TTYH1: variants seen among roughly 807,000 people sequenced by gnomAD.
The protein encoded by TTYH1 is tweety family member 1.
Under a neutral mutation model 61.2 loss-of-function variants are expected in TTYH1, and 33 were observed. The observed-to-expected ratio is 0.54, with a 90% CI of 0.41 to 0.72. The LOEUF is 0.72. TTYH1 is among the 30% of genes least tolerant of loss of function. The probability of loss-of-function intolerance (pLI) is 0.00; values close to 1 mark genes in which losing one functional copy is unlikely to be tolerated. For missense variants in TTYH1, 538 were observed against 575.8 expected (o/e 0.93, Z 0.67); for synonymous variants, 308 against 266.4 (o/e 1.16, Z -1.52).
At chr19:54,422,743 A>T (rs1337125390) in intron 4 of TTYH1, among the ~76,000 whole-genome samples, 1 of 151,948 alleles carries the variant, frequency 6.6e-6, no homozygotes, top group Non-Finnish European at 1.5e-5. Flanking sequence ...AGCCTGGCCA[A>T]CGTGGAGAAA....
Position 54,436,249 on chromosome 19 carries a change from G to A in TTYH1, c.*42+78G>A. 4 of 1,608,374 alleles carry A rather than the reference G, an allele frequency of 2.5e-6. No homozygotes were observed. The highest frequency in any genetic ancestry group is 3.4e-6 in the Non-Finnish European group (4 of 1,175,400). ...CCGCCCTCCGAGCTGCTCCAGGCAT[G>A]GGCTGCGTGCCTCCTGCTGGGTGGA... On this transcript the variant is annotated intron_variant, in intron 13 of 13. Coordinates refer to ENST00000376530, the MANE Select transcript of TTYH1 (RefSeq NM_020659.4). This position sits in a 1 kb window ranked among gnomAD's most constrained non-coding sequence, Gnocchi z 4.3.
At chr19:54,424,999 G>C (rs1467777555) in intron 4 of TTYH1, among the ~76,000 whole-genome samples, 5 of 152,190 alleles carry the variant, frequency 3.3e-5, no homozygotes, top group African/African-American at 7.2e-5. Context: ...CGGATTCCAA[G>C]GAATGGAATC....
chr19:54,415,792 C>A lies in TTYH1; in HGVS notation c.126+114C>A. 8.2e-7 allele frequency: 1 copy of A among 1,224,144 alleles called. No homozygotes were observed. Among genetic ancestry groups the A allele is most frequent in the South Asian group, 1.8e-5 (1 of 56,476 alleles). 75.8% of individuals were successfully genotyped at this position (1,224,144 alleles called of 1,614,324 possible). On this transcript the variant is annotated intron_variant, in intron 1 of 13. Transcript: ENST00000376530. The surrounding 1 kb of genome is among the most constrained non-coding windows in gnomAD (Gnocchi z 5.2). ...CTGAGCTCCGCCGGAGGCTGGGGGC[C>A]GGCCCGGACTTTGGGGTTTCGGAGG...
chr19:54,417,114 ACACG>A (rs1408969985), intron 1 of TTYH1, among the ~76,000 whole-genome samples: 5 of 152,114 alleles, frequency 3.3e-5, no homozygotes, highest in African/African-American at 1.2e-4. Flanking sequence ...GCACACAGCC[ACACG>A]CACACACTCA....
In TTYH1 at chr19:54,415,746, G is replaced by T; in HGVS notation, c.126+68G>T. 3 of 1,398,618 alleles carry T rather than the reference G, an allele frequency of 2.1e-6. No homozygotes were observed. The highest frequency in any genetic ancestry group is 2.8e-6 in the Non-Finnish European group (3 of 1,062,102). 86.6% of individuals were successfully genotyped at this position (1,398,618 alleles called of 1,614,324 possible). A position where few individuals can be genotyped will look rare whatever the true frequency, so the allele number is the denominator to read the frequency against. On this transcript the variant is annotated intron_variant, in intron 1 of 13. Coordinates refer to ENST00000376530, the MANE Select transcript of TTYH1 (RefSeq NM_020659.4). This position sits in a 1 kb window ranked among gnomAD's most constrained non-coding sequence, Gnocchi z 5.2. ...GGAGCTCCTGGGTCCCGAGGGAGAA[G>T]GGGGCTGGGTCACAGATTTCCTGAG... is the stretch of plus-strand genomic sequence containing the variant.
intron 7 of TTYH1, 116 bp from the exon 8 acceptor site, chr19:54,430,434 T>G: frequency 8.8e-7 from 1 of 1,142,846 alleles, no homozygotes; most frequent in Non-Finnish European, 1.3e-6. Context: ...GCCATCGGGC[T>G]CCAGGGCTGG....
intron 4 of TTYH1, among the ~76,000 whole-genome samples, chr19:54,425,612 C>A (rs115731823): frequency 6.6e-6 from 1 of 152,112 alleles, no homozygotes; most frequent in Non-Finnish European, 1.5e-5. Flanking sequence ...GATTATTAGT[C>A]GGCCTCGGAC....
At chr19:54,426,621 G>C (rs117905101) in intron 4 of TTYH1, 52 bp from the exon 5 acceptor site, 50 of 1,463,786 alleles carry the variant, frequency 3.4e-5, no homozygotes, top group Non-Finnish European at 4.6e-5. Flanking sequence ...CTGTTCCGCC[G>C]GGGTGCCTGG....
At position 54,436,361 on chromosome 19, in the gene TTYH1, C is replaced by A; in HGVS notation, c.*71C>A. On this transcript the variant is annotated 3_prime_UTR_variant, in exon 14 of 14. Transcript: ENST00000376530. This position sits in a 1 kb window ranked among gnomAD's most constrained non-coding sequence, Gnocchi z 4.3. ...CTTCCCTGGCTGCCGGAGGAGACCC[C>A]ACTAACCCAGCCTGCCTGGGCTCTG... is the stretch of plus-strand genomic sequence containing the variant. 6.2e-7 allele frequency: 1 copy of A among 1,614,116 alleles called. No individual in the cohort carries two copies. Among genetic ancestry groups the A allele is most frequent in the Non-Finnish European group, 8.5e-7 (1 of 1,180,004 alleles).
rs2083398548 is a variant in TTYH1 at position 54,429,768 on chromosome 19, G to A, written c.808-114G>A. On this transcript the variant is annotated intron_variant, in intron 6 of 13. Coordinates refer to ENST00000376530, the MANE Select transcript of TTYH1 (RefSeq NM_020659.4). This position sits in a 1 kb window ranked among gnomAD's most constrained non-coding sequence, Gnocchi z 5.1. ...TCCTGAGTCTGAGGGAAGAGGGGCTGGGACCTGGACCCCTGGGTGGGGAGG... is the reference window on the plus strand; with the variant it reads ...TCCTGAGTCTGAGGGAAGAGGGGCTAGGACCTGGACCCCTGGGTGGGGAGG... 3 of 884,758 alleles carry A rather than the reference G, an allele frequency of 3.4e-6. No individual in the cohort carries two copies. In the Admixed American group the frequency reaches 6.3e-5, roughly 19 times the overall value. The allele number at this position is 884,758 out of a possible 1,614,324, so 54.8% of individuals were successfully genotyped here.
intron 1 of TTYH1, chr19:54,417,003 C>T (rs2083094582): frequency 8.4e-7 from 1 of 1,192,926 alleles, no homozygotes; most frequent in African/African-American, 1.6e-5. Flanking sequence ...CGGGCAGAGC[C>T]CCACAGCCGA....
At chr19:54,432,499 G>C (rs1239137191) in intron 10 of TTYH1, 1 of 152,294 alleles carries the variant, frequency 6.6e-6, no homozygotes, top group Non-Finnish European at 1.5e-5. Flanking sequence ...TGAGGAGAGA[G>C]GGACCTTCCG....
Position 54,419,037 on chromosome 19 carries a change from C to T in TTYH1, c.127-91C>T, listed in dbSNP as rs1029717123. On this transcript the variant is annotated intron_variant, in intron 1 of 13. Coordinates refer to ENST00000376530, the MANE Select transcript of TTYH1 (RefSeq NM_020659.4). This position sits in a 1 kb window ranked among gnomAD's most constrained non-coding sequence, Gnocchi z 6.1. ...GTCTCCCACCTTCACTCTGACATCCCAGACCCCGACCCCCCAGCCACGCAG... is the reference window on the plus strand; with the variant it reads ...GTCTCCCACCTTCACTCTGACATCCTAGACCCCGACCCCCCAGCCACGCAG... The T allele has an allele frequency of 1.2e-5, 16 of 1,351,162 alleles. No homozygotes were observed. The highest frequency in any genetic ancestry group is 2.0e-4 in the Middle Eastern group (1 of 5,002). The allele number at this position is 1,351,162 out of a possible 1,614,324, so 83.7% of individuals were successfully genotyped here.
Position 54,416,763 on chromosome 19 carries a change from G to T in TTYH1, c.126+1085G>T. ...CTCGCCGCCCCCTCTCCCCACACAC[G>T]GGGACCGCCGTCCCCTCGCCCACAG... On this transcript the variant is annotated intron_variant, in intron 1 of 13. Coordinates refer to ENST00000376530, the MANE Select transcript of TTYH1 (RefSeq NM_020659.4). The surrounding 1 kb of genome is among the most constrained non-coding windows in gnomAD (Gnocchi z 7.0). 2 of 1,292,434 alleles carry T rather than the reference G, an allele frequency of 1.5e-6. No homozygotes were observed. The highest frequency in any genetic ancestry group is 2.0e-6 in the Non-Finnish European group (2 of 988,560). The allele number at this position is 1,292,434 out of a possible 1,614,324, so 80.1% of individuals were successfully genotyped here.
In TTYH1 at chr19:54,429,314, G is replaced by A. The variant is rs1349488490; in HGVS notation, c.742G>A (p.Val248Ile). 1.2e-6 allele frequency: 2 copies of A among 1,614,148 alleles called. No individual in the cohort carries two copies. Among genetic ancestry groups the A allele is most frequent in the South Asian group, 1.1e-5 (1 of 91,082 alleles). ...CTCCCTCCCCCACTCTAGGATGACA[G>A]TCATGAGTCTCCTGGTTCTCGTCCT... is the stretch of plus-strand genomic sequence containing the variant. ...QSKWLVIVMTVMSLLVLVLSW... is the reference protein window; with the variant it reads ...QSKWLVIVMTIMSLLVLVLSW... Residue 248 changes from valine (V) to isoleucine (I), a missense_variant, in exon 6 of 14, where the codon GTC (valine) becomes ATC (isoleucine). By Grantham distance (29) the Val-to-Ile change is conservative. Around this residue, in one of 3 missense-constraint regions of TTYH1, gnomAD observed 378 missense variants for 401.2 expected, o/e 0.94. Coordinates refer to ENST00000376530, the MANE Select transcript of TTYH1 (RefSeq NM_020659.4). This position sits in a 1 kb window ranked among gnomAD's most constrained non-coding sequence, Gnocchi z 5.1.
Position 54,419,904 on chromosome 19 carries a change from C to T in TTYH1, c.305+598C>T, listed in dbSNP as rs188833430. On this transcript the variant is annotated intron_variant, in intron 2 of 13. Coordinates refer to ENST00000376530, the MANE Select transcript of TTYH1 (RefSeq NM_020659.4). This position sits in a 1 kb window ranked among gnomAD's most constrained non-coding sequence, Gnocchi z 6.1. ...GACGGACGATAAATAGATATAATCA[C>T]CCTCCAAGAGCACCTCATCTGTGCC... 4.6e-5 allele frequency among the ~76,000 whole-genome samples: 7 copies of T among 152,286 alleles called. No homozygotes were observed. In the East Asian group the frequency reaches 1.2e-3, roughly 25 times the overall value.
At chr19:54,417,574 A>T (rs560669509) in intron 1 of TTYH1, among the ~76,000 whole-genome samples, 120 of 152,128 alleles carry the variant, frequency 7.9e-4, no homozygotes, top group African/African-American at 2.7e-3. Context: ...GACTCACAAC[A>T]CACACATACA....
intron 4 of TTYH1, 55 bp from the exon 5 acceptor site, chr19:54,426,616 CCG>C (rs1488682230): frequency 7.0e-7 from 1 of 1,420,380 alleles, no homozygotes. Flanking sequence ...GGTTGCTGTT[CCG>C]CCGGGGTGCC....
Position 54,436,094 on chromosome 19 carries a change from T to C in TTYH1, c.1318T>C (p.Ser440Pro). 1.2e-6 allele frequency: 2 copies of C among 1,613,996 alleles called. No homozygotes were observed. The highest frequency in any genetic ancestry group is 2.2e-5 in the East Asian group (1 of 44,870). Residue 440 changes from serine (S) to proline (P), a missense_variant, in exon 13 of 14, where the codon TCC (serine) becomes CCC (proline). Around this residue, in one of 3 missense-constraint regions of TTYH1, gnomAD observed 378 missense variants for 401.2 expected, o/e 0.94. Coordinates refer to ENST00000376530, the MANE Select transcript of TTYH1 (RefSeq NM_020659.4). This position sits in a 1 kb window ranked among gnomAD's most constrained non-coding sequence, Gnocchi z 4.3. ...GCTACCCCGAATCTCCTAGCAGGAA[T>C]CCAAGCGCTTTGTGCAGTGGCAGTC... ...DDDDPFNPQESKRFVQWQSSI is the reference protein window; with the variant it reads ...DDDDPFNPQEPKRFVQWQSSI
Sources: allele counts gnomAD v4.1 joint callset (sites outside exome capture counted in the v4.1 genomes callset), GRCh38; gene constraint gnomAD v4.1.1; regional missense constraint gnomAD v4.1.1; non-coding constraint Gnocchi (gnomAD v3.1); transcripts MANE v1.5; gene names NCBI Gene and HGNC (gene_info 2026-07-23, HGNC 2026-07-21).